The following SLC24A2 variants were observed in gnomAD, a reference collection of about 807,000 sequenced individuals.
SLC24A2 encodes the protein solute carrier family 24 member 2.
In SLC24A2, 36 loss-of-function variants were observed where a neutral mutation model predicts 62.0. That is an observed-to-expected ratio of 0.58 (90% CI 0.44 to 0.77). The LOEUF (loss-of-function observed/expected upper bound fraction) is 0.77. Ranked by LOEUF, SLC24A2 falls within the 30% of genes least tolerant of loss-of-function variation. SLC24A2 has a pLI of 0.00. For synonymous variants in SLC24A2, 358 were observed against 294.0 expected (o/e 1.22, Z -2.23); for missense variants, 846 against 817.9 (o/e 1.03, Z -0.42).
At chr9:20,110,728 G>C in the SLC24A2 span, among the ~76,000 whole-genome samples, 1 of 152,122 alleles carries the variant, frequency 6.6e-6, no homozygotes, top group African/African-American at 2.4e-5. Context: ...GGAAAAAAAT[G>C]TTGATCCAAT....
chr9:20,077,708 A>T, the SLC24A2 span, among the ~76,000 whole-genome samples: 2 of 152,246 alleles, frequency 1.3e-5, no homozygotes, highest in Admixed American at 6.5e-5. Flanking sequence ...TTAGAAGAAG[A>T]AACCTCTATT....
rs1406846592 is a variant in SLC24A2, at chr9:19,512,793, C to T, written c.*3360G>A. The T allele has an allele frequency of 6.6e-6, 1 of 152,086 alleles. No individual in the cohort carries two copies. Among genetic ancestry groups the T allele is most frequent in the Non-Finnish European group, 1.5e-5 (1 of 68,026 alleles). 9.4% of individuals were successfully genotyped at this position (152,086 alleles called of 1,614,324 possible). On this transcript the variant is annotated 3_prime_UTR_variant, in exon 11 of 11. Transcript: ENST00000341998. Reference sequence around the variant, plus strand: ...AATTGTTGATATCTTTTATACCCTGCTCCAGAGAAGCAAAGAGAGTATCTG... The same window carrying T: ...AATTGTTGATATCTTTTATACCCTGTTCCAGAGAAGCAAAGAGAGTATCTG...
At chr9:20,201,534 GA>G in the SLC24A2 span, among the ~76,000 whole-genome samples, 1 of 152,182 alleles carries the variant, frequency 6.6e-6, no homozygotes, top group Non-Finnish European at 1.5e-5. Context: ...GATTGAGGAA[GA>G]AAAGAGAGCT....
the SLC24A2 span, among the ~76,000 whole-genome samples, chr9:19,878,937 C>G: frequency 6.6e-6 from 1 of 152,048 alleles, no homozygotes; most frequent in African/African-American, 2.4e-5. Flanking sequence ...AAATAATTCT[C>G]TCTAGAGCAT....
At chr9:20,157,183 G>C in the SLC24A2 span, among the ~76,000 whole-genome samples, 3 of 151,470 alleles carry the variant, frequency 2.0e-5, no homozygotes, top group Non-Finnish European at 4.4e-5. Context: ...TTAAACCATA[G>C]GAGTGTTTTC....
At chr9:19,795,599 A>G in the SLC24A2 span, among the ~76,000 whole-genome samples, 2 of 152,162 alleles carry the variant, frequency 1.3e-5, no homozygotes, top group African/African-American at 2.4e-5. Flanking sequence ...ACTTAGGACC[A>G]TCTTTCAAAG....
At chr9:20,277,942 T>C in the SLC24A2 span, among the ~76,000 whole-genome samples, 1 of 152,226 alleles carries the variant, frequency 6.6e-6, no homozygotes, top group East Asian at 1.9e-4. Flanking sequence ...TGTAGGAACA[T>C]GGATGAAGCT....
At chr9:19,547,725 C>T (rs1408159232) in intron 8 of SLC24A2, among the ~76,000 whole-genome samples, 1 of 151,566 alleles carries the variant, frequency 6.6e-6, no homozygotes, top group Admixed American at 6.5e-5. Context: ...CTGGGGGCCA[C>T]ACCACATGAG....
the SLC24A2 span, among the ~76,000 whole-genome samples, chr9:20,243,176 A>C: frequency 2.0e-3 from 306 of 152,274 alleles, 2 homozygotes; most frequent in African/African-American, 7.0e-3. Flanking sequence ...GCTCGCACTT[A>C]TATTCTTTTC....
chr9:19,559,448 G>GTAGGCAAGCTTTAAGTAGACTTA (rs1426665567), intron 7 of SLC24A2, among the ~76,000 whole-genome samples: 4 of 152,212 alleles, frequency 2.6e-5, no homozygotes, highest in African/African-American at 9.7e-5. Flanking sequence ...TTTTATTCCA[G>GTAGGCAAGCTTTAAGTAGACTTA]TAGGCAAGCT....
At chr9:20,225,574 A>ATTATATATATAATATATATAT in the SLC24A2 span, among the ~76,000 whole-genome samples, 12 of 90,850 alleles carry the variant, frequency 1.3e-4, no homozygotes, top group Admixed American at 3.5e-4. Context: ...ATATATATAT[A>ATTATATATATAATATATATAT]ATTTCATTTA....
the SLC24A2 span, among the ~76,000 whole-genome samples, chr9:20,166,285 A>C: frequency 6.6e-6 from 1 of 152,004 alleles, no homozygotes; most frequent in African/African-American, 2.4e-5. Context: ...AACTTTTAAC[A>C]ATATGAAAAT....
chr9:19,802,176 C>T, the SLC24A2 span, among the ~76,000 whole-genome samples: 6 of 152,316 alleles, frequency 3.9e-5, no homozygotes, highest in African/African-American at 1.4e-4. Flanking sequence ...ATATTTGTAG[C>T]TCTATGACTG....
At chr9:19,955,481 T>C in the SLC24A2 span, among the ~76,000 whole-genome samples, 2 of 151,910 alleles carry the variant, frequency 1.3e-5, no homozygotes, top group Admixed American at 6.6e-5. Flanking sequence ...AGATAAGTTG[T>C]CTTGATAATT....
At chr9:20,223,544 C>A in the SLC24A2 span, among the ~76,000 whole-genome samples, 36 of 152,018 alleles carry the variant, frequency 2.4e-4, no homozygotes, top group Non-Finnish European at 5.0e-4. Flanking sequence ...TCTTGAAGAA[C>A]AAAATGAATA....
chr9:20,245,255 T>TA, the SLC24A2 span, among the ~76,000 whole-genome samples: 2 of 152,194 alleles, frequency 1.3e-5, no homozygotes, highest in African/African-American at 4.8e-5. Context: ...ACAGGTGCTA[T>TA]AACTGAGTTA....
At chr9:20,071,785 CAG>C in the SLC24A2 span, among the ~76,000 whole-genome samples, 1 of 152,104 alleles carries the variant, frequency 6.6e-6, no homozygotes, top group Non-Finnish European at 1.5e-5. Context: ...GTGTCTGCTG[CAG>C]TCGCAAGTCT....
intron 9 of SLC24A2, among the ~76,000 whole-genome samples, chr9:19,522,513 T>TTAC (rs1833250767): frequency 6.6e-6 from 1 of 152,224 alleles, no homozygotes; most frequent in African/African-American, 2.4e-5. Context: ...AAAAAAATTC[T>TTAC]TATTTTTATA....
chr9:19,604,359 G>A (rs1421876734), intron 4 of SLC24A2, among the ~76,000 whole-genome samples: 1 of 152,134 alleles, frequency 6.6e-6, no homozygotes, highest in African/African-American at 2.4e-5. Flanking sequence ...GCACACAAAA[G>A]ACAAAACAGC....
Sources: allele counts gnomAD v4.1 joint callset (sites outside exome capture counted in the v4.1 genomes callset), GRCh38; gene constraint gnomAD v4.1.1; transcripts MANE v1.5; gene names NCBI Gene and HGNC (gene_info 2026-07-23, HGNC 2026-07-21).